Variants in RAD51B observed in about 807,000 individuals in gnomAD.
RAD51B encodes RAD51 paralog B.
RAD51B carries 38 observed loss-of-function variants against 42.2 expected under a neutral mutation model. The ratio of observed to expected loss-of-function variants is 0.90; its 90% CI spans 0.70 to 1.18. The LOEUF is 1.18. Among genes scored for constraint, RAD51B ranks in the 50% most tolerant of loss-of-function variants. RAD51B has a pLI of 0.00. For synonymous variants in RAD51B, 154 were observed against 145.2 expected, an observed-to-expected ratio of 1.06 and a Z score of -0.43; for missense variants, 373 against 400.7, an observed-to-expected ratio of 0.93 and a Z score of 0.59.
intron 9 of RAD51B, among the ~76,000 whole-genome samples, chr14:68,461,780 G>C (rs1474058913): frequency 1.3e-5 from 2 of 152,168 alleles, no homozygotes; most frequent in Non-Finnish European, 2.9e-5. Context: ...TATTTACTAA[G>C]AGCAAAATAG....
chr14:68,105,214 C>T (rs1267711536), intron 7 of RAD51B, among the ~76,000 whole-genome samples: 15 of 151,598 alleles, frequency 9.9e-5, no homozygotes, highest in Admixed American at 9.9e-4. Flanking sequence ...CGGAGCTTCT[C>T]AGTGGTTAGG....
chr14:68,026,658 T>C (rs560470209), intron 7 of RAD51B, among the ~76,000 whole-genome samples: 88 of 152,318 alleles, frequency 5.8e-4, no homozygotes, highest in Middle Eastern at 3.4e-3. Flanking sequence ...GATATAAGAA[T>C]AGTAACTCCT....
chr14:67,910,065 A>G (rs1239533037), intron 7 of RAD51B, among the ~76,000 whole-genome samples: 2 of 152,232 alleles, frequency 1.3e-5, no homozygotes, highest in African/African-American at 4.8e-5. Context: ...TGTAAAATTT[A>G]AGATCTATCA....
chr14:68,261,216 T>TA (rs1345395367), intron 7 of RAD51B, among the ~76,000 whole-genome samples: 9 of 152,282 alleles, frequency 5.9e-5, no homozygotes, highest in Non-Finnish European at 1.3e-4. Context: ...CCGCAGTTTT[T>TA]ACCGGCTTTC....
At chr14:68,010,154 T>G (rs1277139133) in intron 7 of RAD51B, among the ~76,000 whole-genome samples, 1 of 151,896 alleles carries the variant, frequency 6.6e-6, no homozygotes, top group Non-Finnish European at 1.5e-5. Context: ...CATAATCCAT[T>G]GAATTAAATG....
At chr14:67,943,521 T>C (rs2045279078) in intron 7 of RAD51B, among the ~76,000 whole-genome samples, 1 of 152,178 alleles carries the variant, frequency 6.6e-6, no homozygotes, top group Non-Finnish European at 1.5e-5. Context: ...TCCATCCATC[T>C]ATCTATTATT....
At chr14:68,281,210 G>T (rs2081314355) in intron 7 of RAD51B, among the ~76,000 whole-genome samples, 1 of 152,186 alleles carries the variant, frequency 6.6e-6, no homozygotes, top group Admixed American at 6.5e-5. Flanking sequence ...CAGAGTAAAG[G>T]AGGCTATTTC....
intron 10 of RAD51B, among the ~76,000 whole-genome samples, chr14:68,484,893 G>A (rs1883507944): frequency 6.6e-6 from 1 of 152,166 alleles, no homozygotes; most frequent in Non-Finnish European, 1.5e-5. Flanking sequence ...ACTTCAGTTT[G>A]CACATGGCTC....
At chr14:68,315,666 T>C (rs2082043977) in intron 8 of RAD51B, among the ~76,000 whole-genome samples, 3 of 151,942 alleles carry the variant, frequency 2.0e-5, no homozygotes, top group Admixed American at 6.5e-5. Flanking sequence ...GGACTACAGG[T>C]GCCCGCCACC....
At position 67,893,511 on chromosome 14, in the gene RAD51B, A is replaced by AC. The variant is rs1566945536; in HGVS notation, c.756+6307_756+6308insC. 4.1e-3 allele frequency among the ~76,000 whole-genome samples: 278 copies of AC among 67,204 alleles called. 2 individuals are homozygous for AC. The highest frequency in any genetic ancestry group is 0.01 in the South Asian group (18 of 1,764). 44.1% of individuals were successfully genotyped at this position (67,204 alleles called of 152,430 possible). On this transcript the variant is annotated intron_variant, in intron 7 of 10. Transcript: ENST00000471583. ...ACACACACACACACACACACACACA[A>AC]AAAAAAACAATTAGCTGGGTGTGGT...
chr14:68,136,062 A>T (rs1391958283), intron 7 of RAD51B, among the ~76,000 whole-genome samples: 1 of 152,192 alleles, frequency 6.6e-6, no homozygotes, highest in African/African-American at 2.4e-5. Context: ...CACTTTTCCT[A>T]TCTGTAAACT....
chr14:68,301,604 T>TG (rs2081739815), intron 8 of RAD51B, among the ~76,000 whole-genome samples: 1 of 149,280 alleles, frequency 6.7e-6, no homozygotes, highest in African/African-American at 2.5e-5. Context: ...TTTTTTTTTT[T>TG]TTTTTTTTTT....
At chr14:68,632,751 C>G (rs909518365) in intron 10 of RAD51B, among the ~76,000 whole-genome samples, 2 of 152,088 alleles carry the variant, frequency 1.3e-5, no homozygotes, top group Non-Finnish European at 2.9e-5. Context: ...GCCCACCATG[C>G]CCACCCTACT....
At chr14:67,840,351 T>G (rs1295522353) in intron 4 of RAD51B, among the ~76,000 whole-genome samples, 1 of 152,186 alleles carries the variant, frequency 6.6e-6, no homozygotes, top group Non-Finnish European at 1.5e-5. Flanking sequence ...TACCCAATGT[T>G]TAGCTCCCAC....
At chr14:68,301,600 T>G (rs1314335466) in intron 8 of RAD51B, among the ~76,000 whole-genome samples, 18 of 140,284 alleles carry the variant, frequency 1.3e-4, no homozygotes, top group South Asian at 8.7e-4. Flanking sequence ...GTGTTTTTTT[T>G]TTTTTTTTTT....
chr14:68,244,733 C>T (rs1002830080), intron 7 of RAD51B, among the ~76,000 whole-genome samples: 1 of 152,150 alleles, frequency 6.6e-6, no homozygotes, highest in African/African-American at 2.4e-5. Flanking sequence ...TCTGATCCAT[C>T]CAGCAAATCC....
At chr14:68,231,340 C>G (rs534859681) in intron 7 of RAD51B, among the ~76,000 whole-genome samples, 1 of 152,158 alleles carries the variant, frequency 6.6e-6, no homozygotes, top group Non-Finnish European at 1.5e-5. Flanking sequence ...TGTTTTCTCT[C>G]TAAATCTTTC....
intron 7 of RAD51B, among the ~76,000 whole-genome samples, chr14:68,039,062 G>A (rs751292162): frequency 5.9e-5 from 9 of 152,050 alleles, no homozygotes; most frequent in Non-Finnish European, 1.2e-4. Flanking sequence ...CCAATCAGGG[G>A]CTGATTTATT....
chr14:68,288,491 G>A (rs2081455742), intron 7 of RAD51B, among the ~76,000 whole-genome samples: 1 of 152,230 alleles, frequency 6.6e-6, no homozygotes, highest in Admixed American at 6.5e-5. Flanking sequence ...TTCACCAGAA[G>A]TGGAAATGAT....
Sources: gnomAD v4.1 joint callset for allele counts (sites outside exome capture counted in the v4.1 genomes callset) on GRCh38, gnomAD v4.1.1 for gene constraint, MANE v1.5 for transcripts, NCBI Gene and HGNC (gene_info 2026-07-23, HGNC 2026-07-21) for gene names.